The following REPS1 variants were observed in gnomAD, a reference collection of about 807,000 sequenced individuals.
REPS1 encodes ralBP1-associated Eps domain-containing protein 1.
REPS1 carries 39 observed loss-of-function variants against 100.9 expected under a neutral mutation model. The observed-to-expected ratio is 0.39, with a 90% CI of 0.30 to 0.50. The LOEUF (loss-of-function observed/expected upper bound fraction) is 0.50, where lower values mean the gene tolerates loss of function less well. Ranked by LOEUF, REPS1 falls within the 20% of genes least tolerant of loss-of-function variation. REPS1 has a pLI of 0.86. For missense variants in REPS1, 821 were observed against 968.5 expected (o/e 0.85, Z 2.02); for synonymous variants, 324 against 340.3 (o/e 0.95, Z 0.53).
intron 12 of REPS1, 54 bp from the exon 13 acceptor site, chr6:138,917,681 C>G: frequency 7.0e-7 from 1 of 1,420,742 alleles, no homozygotes; most frequent in Non-Finnish European, 9.8e-7. Flanking sequence ...ACTTTTTGCT[C>G]TATCTACTCC....
intron 1 of REPS1, among the ~76,000 whole-genome samples, chr6:138,969,343 G>A (rs1202839502): frequency 7.1e-6 from 1 of 140,924 alleles, no homozygotes; most frequent in Admixed American, 7.6e-5. Context: ...CCAGGCTGGA[G>A]TGCAGTGGTG....
intron 1 of REPS1, among the ~76,000 whole-genome samples, chr6:138,959,744 T>C (rs1582827864): frequency 6.6e-6 from 1 of 151,772 alleles, no homozygotes; most frequent in East Asian, 1.9e-4. Context: ...TTAAGTAACA[T>C]GGGAATCCTT....
chr6:138,926,549 T>C (rs987975934), intron 9 of REPS1, 68 bp from the exon 10 acceptor site: 5 of 1,078,988 alleles, frequency 4.6e-6, no homozygotes, highest in Non-Finnish European at 7.1e-6. Flanking sequence ...CTGGAGAAGA[T>C]TTAGCAAAGT....
In REPS1 at chr6:138,945,353, A is replaced by G; in HGVS notation, c.494T>C (p.Val165Ala). The change falls in exon 4 of 20, where the codon GTT becomes GCT. Residue 165 changes from valine to alanine, a missense_variant. By Grantham distance (64) the Val-to-Ala change is moderately conservative. Coordinates refer to ENST00000450536, the MANE Select transcript of REPS1 (RefSeq NM_001286611.2). ...AGTTGGTGGGGATTGCTGTGGTGAA[A>G]CTACTGGGGATGCAGGTTCCTAGAA... ...ADAQEPASPV[V>A]SPQQSPPTSP... 1.2e-6 allele frequency: 2 copies of G among 1,608,214 alleles called. No homozygotes were observed. The highest frequency in any genetic ancestry group is 1.7e-6 in the Non-Finnish European group (2 of 1,178,208).
chr6:138,908,107 A>G (rs1779780621), intron 18 of REPS1, among the ~76,000 whole-genome samples: 2 of 152,184 alleles, frequency 1.3e-5, no homozygotes, highest in South Asian at 4.1e-4. Flanking sequence ...TAATTAAAAT[A>G]CCAGTTTTAC....
Position 138,945,487 on chromosome 6 carries a change from A to G in REPS1, c.474+14T>C. On this transcript the variant is annotated intron_variant, in intron 3 of 19. Transcript: ENST00000450536. ...CAGGGCATCAACTGCTAATATTTAC[A>G]TGCATGTGATTACCTGTGCATCTGC... 1 of 1,590,214 alleles carries G rather than the reference A, an allele frequency of 6.3e-7. No homozygotes were observed. Among genetic ancestry groups the G allele is most frequent in the Non-Finnish European group, 8.6e-7 (1 of 1,168,756 alleles).
chr6:138,974,138 T>C (rs1360899613), intron 1 of REPS1, among the ~76,000 whole-genome samples: 2 of 152,000 alleles, frequency 1.3e-5, no homozygotes, highest in Non-Finnish European at 2.9e-5. Flanking sequence ...TATAGGGTAT[T>C]AAATTGAAAA....
intron 1 of REPS1, among the ~76,000 whole-genome samples, chr6:138,959,033 G>A (rs2128490723): frequency 1.3e-5 from 2 of 152,302 alleles, no homozygotes; most frequent in Admixed American, 1.3e-4. Flanking sequence ...CCAATAAACG[G>A]CAGAGTTATA....
Position 138,908,314 on chromosome 6 carries a change from A to G in REPS1, c.2216+354T>C, listed in dbSNP as rs190119581. Among the ~76,000 whole-genome samples, 1,129 of 152,204 alleles carry G rather than the reference A, an allele frequency of 7.4e-3. 6 individuals are homozygous for G. Among genetic ancestry groups the G allele is most frequent in the Non-Finnish European group, 0.01 (709 of 68,002 alleles). On this transcript the variant is annotated intron_variant, in intron 18 of 19. Transcript: ENST00000450536. ...ATTATTGTTATTATTATTATTTGTG[A>G]GATGAAGTCTTGCTCTGTTGCCCAG...
chr6:138,911,586 C>T (rs1308849400), intron 16 of REPS1, among the ~76,000 whole-genome samples: 2 of 151,064 alleles, frequency 1.3e-5, no homozygotes, highest in African/African-American at 4.9e-5. Flanking sequence ...GAGAGGAGGA[C>T]AGGGCAAGGA....
At chr6:138,966,459 G>A (rs144447031) in intron 1 of REPS1, among the ~76,000 whole-genome samples, 6 of 152,266 alleles carry the variant, frequency 3.9e-5, no homozygotes, top group Middle Eastern at 3.4e-3. Context: ...CACACAATGT[G>A]TCAGGTACTG....
intron 1 of REPS1, among the ~76,000 whole-genome samples, chr6:138,983,423 C>T (rs1469601348): frequency 3.3e-5 from 5 of 152,042 alleles, no homozygotes; most frequent in Non-Finnish European, 7.4e-5. Flanking sequence ...CCACTGCACT[C>T]CAGCCTGGGC....
In REPS1 at chr6:138,907,950, TTTTG is replaced by T. The variant is rs1779768991; in HGVS notation, c.2217-354_2217-351del. Among the ~76,000 whole-genome samples, 3 of 152,266 alleles carry T rather than the reference TTTTG, an allele frequency of 2.0e-5. No individual in the cohort carries two copies. In the South Asian group the frequency reaches 6.2e-4, roughly 32 times the overall value. On this transcript the variant is annotated intron_variant, in intron 18 of 19. Transcript: ENST00000450536. The stretch of plus-strand genomic sequence containing the variant: ...AGAGTTTCTGTCTCATATTCTAGTT[TTTTG>T]TTTTCTTTTCTCTTCTATTTTTTCT...
chr6:138,913,942 G>A (rs1054392892), intron 15 of REPS1, among the ~76,000 whole-genome samples: 1 of 152,150 alleles, frequency 6.6e-6, no homozygotes, highest in Non-Finnish European at 1.5e-5. Context: ...CACTAAGGCT[G>A]TCCCAAAGCA....
Position 138,988,025 on chromosome 6 carries a change from C to A in REPS1, c.-343G>T, listed in dbSNP as rs1253327153. 7.6e-6 allele frequency: 3 copies of A among 396,708 alleles called. No homozygotes were observed. The highest frequency in any genetic ancestry group is 1.3e-5 in the Non-Finnish European group (3 of 224,926). The allele number at this position is 396,708 out of a possible 1,614,324, so 24.6% of individuals were successfully genotyped here. ...GCGCGAGGCACTGGCGGACTCCGCC[C>A]CCGCCGCGGGTTCGAGTCTCCCCGG... On this transcript the variant is annotated 5_prime_UTR_variant, in exon 1 of 20. Coordinates refer to ENST00000450536, the MANE Select transcript of REPS1 (RefSeq NM_001286611.2).
chr6:138,951,992 G>A (rs6937089), intron 1 of REPS1, among the ~76,000 whole-genome samples: 22,582 of 152,016 alleles, frequency 0.15, 1,773 homozygotes, highest in African/African-American at 0.17. Flanking sequence ...ATAGATTCCC[G>A]AACTGCTCCC....
chr6:138,912,875 T>G lies in REPS1; in HGVS notation c.1861A>C (p.Ile621Leu). Residue 621 changes from isoleucine (I) to leucine (L), a missense_variant, in exon 16 of 20, where the codon ATA becomes CTA. Coordinates refer to ENST00000450536, the MANE Select transcript of REPS1 (RefSeq NM_001286611.2). ...TCTGCAAAATTTGGTTGCTCTGGTA[T>G]CTGCTGAGGTGAGGTACTAGTGTGA... ...ITHTSTSPQQ[I>L]PEQPNFADFS... 1 of 1,614,142 alleles carries G rather than the reference T, an allele frequency of 6.2e-7. No individual in the cohort carries two copies.
chr6:138,980,078 T>A (rs1010772039), intron 1 of REPS1, among the ~76,000 whole-genome samples: 6 of 152,148 alleles, frequency 3.9e-5, no homozygotes, highest in African/African-American at 1.2e-4. Flanking sequence ...CATCCAATAG[T>A]GGCAACTTCC....
At chr6:138,908,076 G>C (rs916790604) in intron 18 of REPS1, among the ~76,000 whole-genome samples, 1 of 152,102 alleles carries the variant, frequency 6.6e-6, no homozygotes, top group African/African-American at 2.4e-5. Context: ...TTAATCTGCT[G>C]ATTCCTGGTC....
Sources: allele counts gnomAD v4.1 joint callset (sites outside exome capture counted in the v4.1 genomes callset), GRCh38; gene constraint gnomAD v4.1.1; transcripts MANE v1.5; gene names NCBI Gene and HGNC (gene_info 2026-07-23, HGNC 2026-07-21).